The following ZNF787 variants were observed in gnomAD, a reference collection of about 807,000 sequenced individuals.
ZNF787 encodes the protein zinc finger protein 787.
In ZNF787, 7 loss-of-function variants were observed where a neutral mutation model predicts 16.9. The observed-to-expected ratio is 0.42, with a 90% confidence interval of 0.24 to 0.78. ZNF787 has a LOEUF of 0.78. Among genes scored for constraint, ZNF787 ranks in the 30% least tolerant of loss-of-function variants. ZNF787 has a pLI of 0.30. For synonymous variants in ZNF787, 345 were observed against 270.9 expected (o/e 1.27, Z -2.69); for missense variants, 551 against 589.3 (o/e 0.94, Z 0.67).
At chr19:56,111,176 G>A (rs919249716) in intron 1 of ZNF787, among the ~76,000 whole-genome samples, 23 of 152,110 alleles carry the variant, frequency 1.5e-4, no homozygotes, top group Admixed American at 8.5e-4. Context: ...TGAGGGTGCC[G>A]GCGTTTGGGG....
chr19:56,115,340 C>T (rs996511991), intron 1 of ZNF787, among the ~76,000 whole-genome samples: 3 of 149,062 alleles, frequency 2.0e-5, no homozygotes, highest in African/African-American at 5.0e-5. Context: ...GGCCGCGGCA[C>T]GTTGATTTCG....
intron 1 of ZNF787, among the ~76,000 whole-genome samples, chr19:56,104,821 G>C (rs116602437): frequency 0.014 from 2,165 of 152,366 alleles, 49 homozygotes; most frequent in African/African-American, 0.049. Flanking sequence ...TTCATACCCA[G>C]ATCTCTCTTT....
chr19:56,088,000 GCCCCC>G lies in ZNF787; in HGVS notation c.*18_*22del. The G allele has an allele frequency of 2.0e-6, 2 of 986,484 alleles. No homozygotes were observed. Among genetic ancestry groups the G allele is most frequent in the Non-Finnish European group, 2.4e-6 (2 of 817,200 alleles). 61.1% of individuals were successfully genotyped at this position (986,484 alleles called of 1,614,324 possible). On this transcript the variant is annotated 3_prime_UTR_variant, in exon 3 of 3. Coordinates refer to ENST00000610935, the MANE Select transcript of ZNF787 (RefSeq NM_001002836.4). ...CCGCCAAGCCCGAGGGGCCCTGCCC[GCCCCC>G]CCCCCCGGGCCCCTCCCCTACCGGC...
At chr19:56,102,998 G>A (rs2123410276) in intron 2 of ZNF787, 141 bp downstream of exon 2, 1 of 842,292 alleles carries the variant, frequency 1.2e-6, no homozygotes, top group East Asian at 2.6e-5. Context: ...CCCAGGGCGG[G>A]AGGGGAGGCC....
chr19:56,091,841 TTC>T (rs1985587570), intron 2 of ZNF787, among the ~76,000 whole-genome samples: 1 of 152,196 alleles, frequency 6.6e-6, no homozygotes, highest in Admixed American at 6.5e-5. Flanking sequence ...ACAGACTGGT[TTC>T]TGACAAGAGG....
intron 1 of ZNF787, among the ~76,000 whole-genome samples, chr19:56,106,088 C>G (rs938591511): frequency 6.6e-6 from 1 of 150,704 alleles, no homozygotes. Context: ...AGTCACCGCG[C>G]ATTCCCCCTT....
intron 1 of ZNF787, among the ~76,000 whole-genome samples, chr19:56,115,629 C>T (rs887994055): frequency 8.5e-5 from 13 of 152,128 alleles, no homozygotes; most frequent in African/African-American, 2.9e-4. Context: ...GCAGCAGCCT[C>T]CCAAAGGTTT....
intron 2 of ZNF787, chr19:56,102,092 A>G (rs549309330): frequency 6.6e-6 from 1 of 152,364 alleles, no homozygotes; most frequent in East Asian, 1.9e-4. Context: ...AAATCACTCA[A>G]AAAGGGGCTG....
At chr19:56,097,495 G>A (rs1985914659) in intron 2 of ZNF787, among the ~76,000 whole-genome samples, 1 of 152,198 alleles carries the variant, frequency 6.6e-6, no homozygotes, top group African/African-American at 2.4e-5. Context: ...TCTCCACTGC[G>A]GGCCTCAGCC....
At chr19:56,098,524 G>T (rs1985959233) in intron 2 of ZNF787, among the ~76,000 whole-genome samples, 1 of 144,138 alleles carries the variant, frequency 6.9e-6, no homozygotes, top group African/African-American at 2.8e-5. Flanking sequence ...ACAGCCGCAG[G>T]GTGATGCCAC....
At chr19:56,105,333 G>C (rs892989417) in intron 1 of ZNF787, 2 of 152,056 alleles carry the variant, frequency 1.3e-5, no homozygotes, top group African/African-American at 4.8e-5. Context: ...TCATAAACCA[G>C]GAGCGCCTCA....
At chr19:56,111,667 G>A (rs1368563602) in intron 1 of ZNF787, among the ~76,000 whole-genome samples, 7 of 152,204 alleles carry the variant, frequency 4.6e-5, no homozygotes, top group South Asian at 4.1e-4. Context: ...ACTCCGCACC[G>A]TGGCGACCTG....
chr19:56,087,501 T>G lies in ZNF787; in HGVS notation c.*522A>C, dbSNP rs1043920001. 1.3e-5 allele frequency: 2 copies of G among 152,172 alleles called. No homozygotes were observed. Among genetic ancestry groups the G allele is most frequent in the East Asian group, 1.9e-4 (1 of 5,154 alleles). 9.4% of individuals were successfully genotyped at this position (152,172 alleles called of 1,614,324 possible). A position where few individuals can be genotyped will look rare whatever the true frequency, so the allele number is the denominator to read the frequency against. ...CAGGAGGGGAAGGAACGACTCGAGC[T>G]CTAAGGATGGGACCCGGAAGGCAGA... On this transcript the variant is annotated 3_prime_UTR_variant, in exon 3 of 3. Coordinates refer to ENST00000610935, the MANE Select transcript of ZNF787 (RefSeq NM_001002836.4).
At chr19:56,091,499 A>T (rs1408119431) in intron 2 of ZNF787, among the ~76,000 whole-genome samples, 1 of 152,136 alleles carries the variant, frequency 6.6e-6, no homozygotes, top group Non-Finnish European at 1.5e-5. Flanking sequence ...CTCCCATTAG[A>T]TTTGCAACTA....
At chr19:56,111,459 C>T (rs910809987) in intron 1 of ZNF787, among the ~76,000 whole-genome samples, 1 of 152,134 alleles carries the variant, frequency 6.6e-6, no homozygotes, top group Non-Finnish European at 1.5e-5. Context: ...TGCACCCACC[C>T]GTGGGTGAAA....
chr19:56,103,534 ACCTCGCGCCT>A (rs771930910), intron 1 of ZNF787: 18 of 376,922 alleles, frequency 4.8e-5, no homozygotes, highest in South Asian at 1.1e-4. Flanking sequence ...AAGCAACCCC[ACCTCGCGCCT>A]CCTCGCGCCT....
At chr19:56,115,254 C>A (rs928302668) in intron 1 of ZNF787, among the ~76,000 whole-genome samples, 1 of 152,172 alleles carries the variant, frequency 6.6e-6, no homozygotes, top group South Asian at 2.1e-4. Context: ...ACAGCCTGCA[C>A]GTCCCTCTGG....
In ZNF787 at chr19:56,088,429, G is replaced by C. The variant is rs1167955551; in HGVS notation, c.743C>G (p.Ala248Gly). The C allele has an allele frequency of 1.4e-5, 17 of 1,190,504 alleles. No homozygotes were observed. Among genetic ancestry groups the C allele is most frequent in the Middle Eastern group, 3.4e-4 (1 of 2,924 alleles). 73.7% of individuals were successfully genotyped at this position (1,190,504 alleles called of 1,614,324 possible). The change falls in exon 3 of 3, where the codon GCG (alanine) becomes GGG (glycine). Residue 248 changes from alanine to glycine, a missense_variant. By Grantham distance (60) the Ala-to-Gly change is moderately conservative. Around this residue, in one of 4 missense-constraint regions of ZNF787, gnomAD observed 392 missense variants for 312.7 expected, o/e 1.25. Coordinates refer to ENST00000610935, the MANE Select transcript of ZNF787 (RefSeq NM_001002836.4). The surrounding 1 kb of genome is among the most constrained non-coding windows in gnomAD (Gnocchi z 8.6). ...CGCGGCCGCGGCCCCCTCGCCCGGC[G>C]CGCCCACCACGATGATGCCCTCGCC... is the stretch of plus-strand genomic sequence containing the variant. ...GDGEGIIVVG[A>G]PGEGAAAAAA... is the part of the protein sequence containing the mutation.
At chr19:56,115,056 T>G (rs2030091096) in intron 1 of ZNF787, among the ~76,000 whole-genome samples, 1 of 152,080 alleles carries the variant, frequency 6.6e-6, no homozygotes, top group Middle Eastern at 3.2e-3. Context: ...ACCTGGCATC[T>G]TGCATGGGGC....
Sources: gnomAD v4.1 joint callset for allele counts (sites outside exome capture counted in the v4.1 genomes callset) on GRCh38, gnomAD v4.1.1 for gene constraint, gnomAD v4.1.1 regional missense constraint, Gnocchi (gnomAD v3.1) non-coding constraint, MANE v1.5 for transcripts, NCBI Gene and HGNC (gene_info 2026-07-23, HGNC 2026-07-21) for gene names.